Variants in TFCP2 observed in about 807,000 individuals in gnomAD.
TFCP2 encodes alpha-globin transcription factor CP2.
In TFCP2, 33 loss-of-function variants were observed where a neutral mutation model predicts 73.4. The ratio of observed to expected loss-of-function variants is 0.45; its 90% CI spans 0.34 to 0.60. TFCP2 has a LOEUF of 0.60. Among genes scored for constraint, TFCP2 ranks in the 20% least tolerant of loss-of-function variants. The pLI is 0.01. For missense variants in TFCP2, 352 were observed against 604.0 expected (o/e 0.58, Z 4.37); for synonymous variants, 193 against 211.6 (o/e 0.91, Z 0.76).
chr12:51,151,440 G>A (rs1362985029), intron 1 of TFCP2, among the ~76,000 whole-genome samples: 1 of 152,082 alleles, frequency 6.6e-6, no homozygotes, highest in Non-Finnish European at 1.5e-5. Flanking sequence ...CTAATTTTTT[G>A]TTGTTATTGT....
At chr12:51,162,430 A>C (rs1941668203) in intron 1 of TFCP2, among the ~76,000 whole-genome samples, 1 of 148,622 alleles carries the variant, frequency 6.7e-6, no homozygotes. Flanking sequence ...TGGGTGATAG[A>C]GCTAGACTCC....
At position 51,108,059 on chromosome 12, in the gene TFCP2, C is replaced by T. The variant is rs1592793229; in HGVS notation, c.718-713G>A. ...CAGCACTTTGGGAGGCCGAGGCAGG[C>T]GGATTGCCTGAGGTCAGGAGTTCGA... On this transcript the variant is annotated intron_variant, in intron 6 of 14. Transcript: ENST00000257915. Among the ~76,000 whole-genome samples the T allele has an allele frequency of 4.0e-5, 6 of 151,618 alleles. 2 individuals are homozygous for T. Among genetic ancestry groups the T allele is most frequent in the African/African-American group, 1.4e-4 (6 of 41,432 alleles).
Position 51,172,837 on chromosome 12 carries a change from C to T in TFCP2, c.-415G>A, listed in dbSNP as rs1941890327. 5.7e-6 allele frequency: 1 copy of T among 175,738 alleles called. No individual in the cohort carries two copies. The highest frequency in any genetic ancestry group is 1.2e-5 in the Non-Finnish European group (1 of 80,562). 10.9% of individuals were successfully genotyped at this position (175,738 alleles called of 1,614,324 possible). ...CGCTGCTTTTGCACCTTTTCCCCCG[C>T]CCCTTTCTGCTGGAGGCCCCCTCCC... On this transcript the variant is annotated 5_prime_UTR_variant, in exon 1 of 15. Transcript: ENST00000257915.
chr12:51,133,248 T>C (rs925036807), intron 1 of TFCP2, among the ~76,000 whole-genome samples: 1 of 151,936 alleles, frequency 6.6e-6, no homozygotes, highest in African/African-American at 2.4e-5. Flanking sequence ...AATTACCCTT[T>C]AAAACAAGTT....
rs1286479060 is a variant in TFCP2, at chr12:51,094,197, G to A, written c.*1044C>T. 6.6e-6 allele frequency: 1 copy of A among 152,160 alleles called. No individual in the cohort carries two copies. Among genetic ancestry groups the A allele is most frequent in the Non-Finnish European group, 1.5e-5 (1 of 68,024 alleles). 9.4% of individuals were successfully genotyped at this position (152,160 alleles called of 1,614,324 possible). On this transcript the variant is annotated 3_prime_UTR_variant, in exon 15 of 15. Coordinates refer to ENST00000257915, the MANE Select transcript of TFCP2 (RefSeq NM_005653.5). ...ACTCATTAATAAATAGTTTGAGAAT[G>A]TCATTCAAGAACAGTAAATTTGGGG...
chr12:51,115,285 A>G (rs1940505934), intron 4 of TFCP2, among the ~76,000 whole-genome samples: 1 of 151,752 alleles, frequency 6.6e-6, no homozygotes, highest in South Asian at 2.1e-4. Flanking sequence ...ACGCCCAGCT[A>G]ATTTCTTTGT....
intron 8 of TFCP2, among the ~76,000 whole-genome samples, 182 bp downstream of exon 8, chr12:51,106,343 G>A (rs1261717713): frequency 1.3e-5 from 2 of 151,944 alleles, no homozygotes; most frequent in African/African-American, 2.4e-5. Flanking sequence ...GAGAAGAAAG[G>A]GCTATATAAA....
At chr12:51,128,718 TAA>T (rs1940870870) in intron 1 of TFCP2, among the ~76,000 whole-genome samples, 1 of 152,196 alleles carries the variant, frequency 6.6e-6, no homozygotes, top group Non-Finnish European at 1.5e-5. Context: ...CAACTGTACC[TAA>T]AGAGTGCAGA....
chr12:51,159,582 C>T (rs1223093046), intron 1 of TFCP2, among the ~76,000 whole-genome samples: 2 of 151,834 alleles, frequency 1.3e-5, no homozygotes, highest in East Asian at 1.9e-4. Context: ...CCTCCCAAAG[C>T]GCTGGGATTG....
At chr12:51,106,965 G>A (rs1417394213) in intron 7 of TFCP2, 4 of 548,382 alleles carry the variant, frequency 7.3e-6, no homozygotes, top group Non-Finnish European at 1.3e-5. Context: ...ATGTGCTTAT[G>A]TATACAAAGC....
Position 51,098,799 on chromosome 12 carries a change from T to C in TFCP2, c.1396A>G (p.Ile466Val). ...ACCTCATCACTGATGAGCACATGAA[T>C]TCCTGTTGGCCCCTGCTTGTAAATC... is the stretch of plus-strand genomic sequence containing the variant. ...SQIYKQGPTG[I>V]HVLISDEMIQ... is the part of the protein sequence containing the mutation. The change falls in exon 13 of 15, where the codon ATT (isoleucine) becomes GTT (valine). Residue 466 changes from isoleucine (I) to valine (V), a missense_variant. Ile to Val is a conservative substitution (Grantham distance 29). Coordinates refer to ENST00000257915, the MANE Select transcript of TFCP2 (RefSeq NM_005653.5). The C allele has an allele frequency of 6.2e-7, 1 of 1,614,132 alleles. No individual in the cohort carries two copies. Among genetic ancestry groups the C allele is most frequent in the Non-Finnish European group, 8.5e-7 (1 of 1,180,020 alleles).
chr12:51,169,191 T>C (rs1432668247), intron 1 of TFCP2, among the ~76,000 whole-genome samples: 1 of 152,074 alleles, frequency 6.6e-6, no homozygotes, highest in Non-Finnish European at 1.5e-5. Flanking sequence ...ATTAATAGAA[T>C]AGATTAAATG....
chr12:51,130,721 T>C (rs996177925), intron 1 of TFCP2, among the ~76,000 whole-genome samples: 5 of 152,078 alleles, frequency 3.3e-5, no homozygotes, highest in African/African-American at 1.2e-4. Context: ...GCACGATGGC[T>C]CACGCCTGTA....
chr12:51,124,097 T>C (rs1453845740), intron 1 of TFCP2, among the ~76,000 whole-genome samples: 1 of 50,632 alleles, frequency 2.0e-5, no homozygotes, highest in African/African-American at 8.2e-5. Context: ...CAGCTACTTT[T>C]CTTTTTTTTT....
intron 13 of TFCP2, 61 bp from the exon 14 acceptor site, chr12:51,096,101 T>C: frequency 7.1e-7 from 1 of 1,412,530 alleles, no homozygotes. Context: ...TATATTCCTG[T>C]GTCCCTAAGG....
In TFCP2 at chr12:51,172,552, A is replaced by AC; in HGVS notation, c.-131dup. 8 of 1,273,206 alleles carry AC rather than the reference A, an allele frequency of 6.3e-6. No homozygotes were observed. In the Admixed American group the frequency reaches 1.4e-4, roughly 23 times the overall value. 78.9% of individuals were successfully genotyped at this position (1,273,206 alleles called of 1,614,324 possible). ...GTTTCCCACGCAGTGCCCACCAGCC[A>AC]CCCCCAAGCCCGACCAGCACTGCTC... On this transcript the variant is annotated 5_prime_UTR_variant, in exon 1 of 15. Coordinates refer to ENST00000257915, the MANE Select transcript of TFCP2 (RefSeq NM_005653.5).
chr12:51,171,528 C>A (rs1249760430), intron 1 of TFCP2, among the ~76,000 whole-genome samples: 3 of 152,212 alleles, frequency 2.0e-5, no homozygotes, highest in African/African-American at 7.2e-5. Flanking sequence ...CAGGCCCGCG[C>A]CACCACACCC....
intron 4 of TFCP2, among the ~76,000 whole-genome samples, chr12:51,113,937 G>A (rs1031016373): frequency 2.5e-4 from 38 of 151,854 alleles, no homozygotes; most frequent in African/African-American, 8.2e-4. Context: ...ATACAAACAC[G>A]AACTCAAAAT....
chr12:51,144,147 C>G (rs1414521266), intron 1 of TFCP2, among the ~76,000 whole-genome samples: 2 of 152,104 alleles, frequency 1.3e-5, no homozygotes, highest in Non-Finnish European at 2.9e-5. Flanking sequence ...CTCCCCCAAC[C>G]TCAGCCTCTT....
Sources: gnomAD v4.1 joint callset for allele counts (sites outside exome capture counted in the v4.1 genomes callset) on GRCh38, gnomAD v4.1.1 for gene constraint, MANE v1.5 for transcripts, NCBI Gene and HGNC (gene_info 2026-07-23, HGNC 2026-07-21) for gene names.